Variants in MAL observed in about 807,000 individuals in gnomAD.
MAL encodes mal, T cell differentiation protein (MAL blood group).
A neutral mutation model predicts 16.7 loss-of-function variants in MAL; 5 were observed. That is an observed-to-expected ratio of 0.30 (90% CI 0.16 to 0.63). The LOEUF (loss-of-function observed/expected upper bound fraction) is 0.63. Ranked by LOEUF, MAL falls within the 30% of genes least tolerant of loss-of-function variation. The pLI is 0.82. For missense variants in MAL, 202 were observed against 195.8 expected (o/e 1.03, Z -0.19); for synonymous variants, 96 against 85.5 (o/e 1.12, Z -0.67).
chr2:95,027,884 C>T (rs951228968), intron 1 of MAL, among the ~76,000 whole-genome samples: 1 of 152,020 alleles, frequency 6.6e-6, no homozygotes, highest in Non-Finnish European at 1.5e-5. Flanking sequence ...AACTCGACAA[C>T]AAAAAGACAA....
chr2:95,026,021 G>T lies in MAL; in HGVS notation c.93+136G>T, dbSNP rs1673927073. On this transcript the variant is annotated intron_variant, in intron 1 of 3. Coordinates refer to ENST00000309988, the MANE Select transcript of MAL (RefSeq NM_002371.4). ...ATCGGGGCAGCAGGCGCAGGGCGGG[G>T]ACTAAGCCAGGGAAGTCCCCTCCCA... is the stretch of plus-strand genomic sequence containing the variant. 4 of 732,032 alleles carry T rather than the reference G, an allele frequency of 5.5e-6. 1 individual carries two copies. The Admixed American group carries it at 8.6e-5, about 16-fold the overall frequency. The allele number at this position is 732,032 out of a possible 1,614,324, so 45.3% of individuals were successfully genotyped here.
chr2:95,038,612 CTGAG>C (rs199918011), intron 1 of MAL, among the ~76,000 whole-genome samples: 23 of 68,348 alleles, frequency 3.4e-4, no homozygotes, highest in South Asian at 4.8e-4. Context: ...GGGTGAGTGA[CTGAG>C]TGAGTGAGTG....
chr2:95,027,915 T>A (rs1180861100), intron 1 of MAL, among the ~76,000 whole-genome samples: 5 of 151,982 alleles, frequency 3.3e-5, no homozygotes, highest in Non-Finnish European at 7.4e-5. Context: ...AAATGGACAA[T>A]GGACTTGAAC....
intron 1 of MAL, among the ~76,000 whole-genome samples, chr2:95,045,960 G>A (rs1026050655): frequency 3.3e-5 from 5 of 152,214 alleles, no homozygotes; most frequent in African/African-American, 1.2e-4. Context: ...CATCCCACCG[G>A]CCCTGCCACG....
chr2:95,042,261 C>T (rs1045683947), intron 1 of MAL, among the ~76,000 whole-genome samples: 13 of 152,190 alleles, frequency 8.5e-5, no homozygotes, highest in African/African-American at 3.1e-4. Flanking sequence ...GAGCCGTTTC[C>T]TCTTCTGTCT....
intron 2 of MAL, 56 bp from the exon 3 acceptor site, chr2:95,049,525 G>A (rs1383221851): frequency 3.7e-6 from 6 of 1,604,070 alleles, no homozygotes; most frequent in Middle Eastern, 1.7e-4. Flanking sequence ...CCTCAGCTCT[G>A]CATCTGGGCC....
In MAL at chr2:95,047,978, G is replaced by C; in HGVS notation, c.113G>C (p.Trp38Ser). ...IFEFIFGGLV[W>S]ILVASSLVPW... ...CCGCAGATCTTCGGGGGCCTGGTGT[G>C]GATCCTGGTGGCCTCCTCCCTGGTG... is the stretch of plus-strand genomic sequence containing the variant. The change falls in exon 2 of 4, where the codon TGG becomes TCG. Residue 38 changes from tryptophan (W) to serine (S), a missense_variant. Trp to Ser is a radical substitution (Grantham distance 177). Coordinates refer to ENST00000309988, the MANE Select transcript of MAL (RefSeq NM_002371.4). The C allele has an allele frequency of 6.3e-7, 1 of 1,590,824 alleles. No individual in the cohort carries two copies. The highest frequency in any genetic ancestry group is 8.6e-7 in the Non-Finnish European group (1 of 1,168,668).
chr2:95,041,874 T>C (rs1466328776), intron 1 of MAL, among the ~76,000 whole-genome samples: 3 of 152,120 alleles, frequency 2.0e-5, no homozygotes, highest in African/African-American at 7.2e-5. Flanking sequence ...TCTGGAAACT[T>C]TTTGTCCAGT....
chr2:95,038,242 G>GAC, intron 1 of MAL, among the ~76,000 whole-genome samples: 1 of 132,968 alleles, frequency 7.5e-6, no homozygotes, highest in East Asian at 2.3e-4. Context: ...GTGACTGAGT[G>GAC]TGTGAGTGAC....
At chr2:95,026,524 G>A in intron 1 of MAL, 1 of 125,356 alleles carries the variant, frequency 8.0e-6, no homozygotes, top group East Asian at 2.9e-4. Context: ...GGGGTGGGGG[G>A]TGGCGGCGAG....
At chr2:95,047,889 C>T in intron 1 of MAL, 70 bp from the exon 2 acceptor site, 1 of 1,500,406 alleles carries the variant, frequency 6.7e-7, no homozygotes, top group Non-Finnish European at 9.0e-7. Flanking sequence ...CATGTGACCG[C>T]TGGTCGGGGG....
At chr2:95,041,551 C>T (rs942307958) in intron 1 of MAL, among the ~76,000 whole-genome samples, 1 of 152,182 alleles carries the variant, frequency 6.6e-6, no homozygotes, top group Admixed American at 6.5e-5. Flanking sequence ...TGCTGGTCCC[C>T]TGCAGATATA....
chr2:95,053,572 C>G lies in MAL; in HGVS notation c.*117C>G. ...GATGGTGGAAAAAAGAAAACAACCA[C>G]CCCCCCACTGCCCAAAAAAAAAAGC... On this transcript the variant is annotated 3_prime_UTR_variant, in exon 4 of 4. Transcript: ENST00000309988. The G allele has an allele frequency of 2.6e-6, 2 of 762,474 alleles. No homozygotes were observed. Among genetic ancestry groups the G allele is most frequent in the South Asian group, 3.4e-5 (2 of 58,786 alleles). 47.2% of individuals were successfully genotyped at this position (762,474 alleles called of 1,614,324 possible).
At chr2:95,049,466 G>A (rs1002473140) in intron 2 of MAL, 115 bp from the exon 3 acceptor site, 2 of 1,353,744 alleles carry the variant, frequency 1.5e-6, no homozygotes, top group Admixed American at 1.9e-5. Context: ...TGGGAGGGGT[G>A]GGATTCAAAG....
chr2:95,032,247 G>C (rs1674102069), intron 1 of MAL, among the ~76,000 whole-genome samples: 1 of 152,260 alleles, frequency 6.6e-6, no homozygotes. Flanking sequence ...GCGAGGGGCA[G>C]AGCATATTGT....
intron 1 of MAL, among the ~76,000 whole-genome samples, chr2:95,031,461 C>A (rs1401535435): frequency 6.6e-6 from 1 of 152,234 alleles, no homozygotes; most frequent in Admixed American, 6.5e-5. Context: ...CACTGCACAC[C>A]CTCCACTGAC....
intron 3 of MAL, 119 bp downstream of exon 3, chr2:95,049,825 A>C: frequency 4.2e-6 from 6 of 1,414,488 alleles, no homozygotes; most frequent in South Asian, 1.3e-5. Flanking sequence ...GAGTGAGGTC[A>C]AACCTTGCCT....
intron 1 of MAL, among the ~76,000 whole-genome samples, chr2:95,039,216 GTGAGTGAGTGAGTGAC>G (rs1674368373): frequency 6.7e-6 from 1 of 149,892 alleles, no homozygotes; most frequent in Non-Finnish European, 1.5e-5. Context: ...GACTGAGTGA[GTGAGTGAGTGAGTGAC>G]TGAGTGACTG....
intron 1 of MAL, among the ~76,000 whole-genome samples, chr2:95,045,605 G>A (rs145013092): frequency 2.0e-5 from 3 of 152,322 alleles, no homozygotes; most frequent in East Asian, 1.9e-4. Context: ...CTGTGTGAAC[G>A]AGGAAGCAAC....
Sources: gnomAD v4.1 joint callset for allele counts (sites outside exome capture counted in the v4.1 genomes callset) on GRCh38, gnomAD v4.1.1 for gene constraint, MANE v1.5 for transcripts, NCBI Gene and HGNC (gene_info 2026-07-23, HGNC 2026-07-21) for gene names.